APC2: variants seen among roughly 807,000 people sequenced by gnomAD.
The protein encoded by APC2 is APC regulator of Wnt signaling pathway 2.
A neutral mutation model predicts 72.5 loss-of-function variants in APC2; 41 were observed. The observed-to-expected ratio is 0.57, with a 90% CI of 0.44 to 0.73. The LOEUF is 0.73. APC2 is among the 30% of genes least tolerant of loss of function. The pLI is 0.00. For synonymous variants in APC2, 1,898 were observed against 1,612.0 expected, an observed-to-expected ratio of 1.18 and a Z score of -4.25; for missense variants, 3,729 against 3,403.4, an observed-to-expected ratio of 1.10 and a Z score of -2.38.
At position 1,460,839 on chromosome 19, in the gene APC2, C is replaced by G. The variant is rs2083911134; in HGVS notation, c.1503C>G (p.Asp501Glu). 1.2e-6 allele frequency: 2 copies of G among 1,613,172 alleles called. No individual in the cohort carries two copies. The highest frequency in any genetic ancestry group is 1.7e-6 in the Non-Finnish European group (2 of 1,179,950). The part of the protein sequence containing the change: ...MEAIVAQLAS[D>E]SEELHQVVSS... ...CCATCGTGGCCCAGCTGGCCTCCGA[C>G]AGTGAGGAGCTCCACCAGGTACAGG... Residue 501 changes from aspartate (D) to glutamate (E), a missense_variant, in exon 12 of 15, where the codon GAC becomes GAG. Asp to Glu is a conservative substitution (Grantham distance 45). Coordinates refer to ENST00000590469, the MANE Select transcript of APC2 (RefSeq NM_005883.3).
intron 3 of APC2, 42 bp downstream of exon 3, chr19:1,453,379 G>T: frequency 1.2e-6 from 2 of 1,611,332 alleles, no homozygotes; most frequent in Non-Finnish European, 1.7e-6. Flanking sequence ...GGGGAGGCTG[G>T]GGGGAAAGGC....
At chr19:1,459,426 C>T (rs577175681) in intron 10 of APC2, among the ~76,000 whole-genome samples, 23 of 152,218 alleles carry the variant, frequency 1.5e-4, no homozygotes, top group Non-Finnish European at 2.8e-4. Flanking sequence ...GCACAGGGCA[C>T]GCTGGGCTGA....
intron 14 of APC2, 78 bp downstream of exon 14, chr19:1,462,255 C>T (rs973033411): frequency 7.4e-7 from 1 of 1,343,638 alleles, no homozygotes; most frequent in African/African-American, 1.4e-5. Flanking sequence ...CACTGTCCTC[C>T]CGTGAATGCA....
At chr19:1,459,753 C>T (rs748233130) in intron 10 of APC2, among the ~76,000 whole-genome samples, 14 of 152,160 alleles carry the variant, frequency 9.2e-5, no homozygotes, top group South Asian at 2.1e-4. Context: ...TGGGTGTGGC[C>T]GTCACCCATC....
In APC2 at chr19:1,456,158, C is replaced by T. The variant is rs1350643816; in HGVS notation, c.717+5C>T. ...GTGCAGCAGACGGAGCCCCAGGTAC[C>T]GGGTGGGGCAGAGCCAGGGACCAGG... is the stretch of plus-strand genomic sequence containing the variant. On this transcript the variant is annotated splice_donor_5th_base_variant and intron_variant, in intron 7 of 14. Transcript: ENST00000590469. 11 of 1,583,156 alleles carry T rather than the reference C, an allele frequency of 6.9e-6. No individual in the cohort carries two copies. In the Admixed American group the frequency reaches 1.1e-4, roughly 15 times the overall value.
Position 1,456,278 on chromosome 19 carries a change from A to G in APC2, c.718-28A>G, listed in dbSNP as rs2083824447. On this transcript the variant is annotated intron_variant, in intron 7 of 14. Transcript: ENST00000590469. The stretch of plus-strand genomic sequence containing the variant: ...AGCAGACTGGGTGCTCTGGGACTGT[A>G]CCCCCGACCCTGGTGCTCTCCCTGC... 6 of 1,589,358 alleles carry G rather than the reference A, an allele frequency of 3.8e-6. No homozygotes were observed. In the East Asian group the frequency reaches 1.2e-4, roughly 30 times the overall value.
chr19:1,467,061 T>G lies in APC2; in HGVS notation c.3760T>G (p.Ser1254Ala). 6.2e-7 allele frequency: 1 copy of G among 1,611,876 alleles called. No homozygotes were observed. The highest frequency in any genetic ancestry group is 8.5e-7 in the Non-Finnish European group (1 of 1,179,710). Residue 1254 changes from serine (S) to alanine (A), a missense_variant, in exon 15 of 15, where the codon TCT becomes GCT. Coordinates refer to ENST00000590469, the MANE Select transcript of APC2 (RefSeq NM_005883.3). The part of the protein sequence containing the change: ...ADCRERCRLP[S>A]ELDAGSVRFT... ...CTGCCGGGAGCGCTGCCGGCTGCCA[T>G]CTGAGCTGGACGCAGGCAGCGTGCG...
In APC2 at chr19:1,455,461, G is replaced by C; in HGVS notation, c.600G>C (p.Glu200Asp). Residue 200 changes from glutamate (E) to aspartate (D), a missense_variant, in exon 6 of 15, where the codon GAG (glutamate) becomes GAC (aspartate). Glu to Asp is a conservative substitution (Grantham distance 45, BLOSUM62 2). Transcript: ENST00000590469. Reference protein sequence around the residue: ...EAQHIRSLMEERFGTSDEMVQ... With the variant: ...EAQHIRSLMEDRFGTSDEMVQ... ...AGCACATCCGCTCGCTGATGGAGGA[G>C]CGCTTCGGCACCTCGGACGAGATGG... 1 of 1,605,692 alleles carries C rather than the reference G, an allele frequency of 6.2e-7. No individual in the cohort carries two copies. Among genetic ancestry groups the C allele is most frequent in the East Asian group, 2.2e-5 (1 of 44,642 alleles).
At chr19:1,447,662 TG>T (rs571951294), upstream of APC2, among the ~76,000 whole-genome samples, 9 of 127,360 alleles carry the variant, frequency 7.1e-5, no homozygotes, top group East Asian at 2.4e-4. Context: ...TTTTAGTGTG[TG>T]GGGGGGGATT....
rs988558211 is a variant in APC2, at chr19:1,470,420, G to C, written c.*207G>C. 1 of 746,070 alleles carries C rather than the reference G, an allele frequency of 1.3e-6. No individual in the cohort carries two copies. The highest frequency in any genetic ancestry group is 3.7e-5 in the Admixed American group (1 of 26,958). 46.2% of individuals were successfully genotyped at this position (746,070 alleles called of 1,614,324 possible). On this transcript the variant is annotated 3_prime_UTR_variant, in exon 15 of 15. Coordinates refer to ENST00000590469, the MANE Select transcript of APC2 (RefSeq NM_005883.3). ...GCCTCTGTGCCGCGGAGGTCCAGGA[G>C]GAAACGGGGCGGCCGCTAGGCCTCA...
intron 4 of APC2, among the ~76,000 whole-genome samples, chr19:1,454,719 A>G (rs947578134): frequency 1.9e-4 from 29 of 151,438 alleles, no homozygotes; most frequent in Non-Finnish European, 1.3e-4. Flanking sequence ...ACCCGCCACC[A>G]CGCCCGGCTA....
rs754199477 is a variant in APC2, at chr19:1,465,782, G to A, written c.2481G>A (p.Lys827=). The A allele has an allele frequency of 4.4e-6, 7 of 1,574,578 alleles. No homozygotes were observed. In the Admixed American group the frequency reaches 1.1e-4, roughly 24 times the overall value. The change falls in exon 15 of 15, where the codon AAG becomes AAA. Residue 827 remains lysine (K), a synonymous_variant. Transcript: ENST00000590469. ...ARTPPTRRGG[K]EAEKDTSGEA... ...CCCCGCCCACCCGCCGAGGCGGCAAGGAGGCAGAGAAGGACACCAGTGGGG... is the reference window on the plus strand; with the variant it reads ...CCCCGCCCACCCGCCGAGGCGGCAAAGAGGCAGAGAAGGACACCAGTGGGG...
In APC2 at chr19:1,468,738, G is replaced by T; in HGVS notation, c.5437G>T (p.Ala1813Ser). The T allele has an allele frequency of 1.3e-6, 2 of 1,500,204 alleles. No homozygotes were observed. The highest frequency in any genetic ancestry group is 1.8e-6 in the Non-Finnish European group (2 of 1,121,808). 92.9% of individuals were successfully genotyped at this position (1,500,204 alleles called of 1,614,324 possible). ...GCCCAAAGGGACCCCCGGCCCCCGC[G>T]CCACACCGCGGAAGGTGGCGCCCCC... ...AQPKGTPGPR[A>S]TPRKVAPPCL... The change falls in exon 15 of 15, where the codon GCC (alanine) becomes TCC (serine). Residue 1813 changes from alanine to serine, a missense_variant. By Grantham distance (99) the Ala-to-Ser change is moderately conservative (BLOSUM62 1). Transcript: ENST00000590469.
Position 1,471,385 on chromosome 19 carries a change from G to A in APC2, c.*1172G>A, listed in dbSNP as rs1432709189. 1 of 152,406 alleles carries A rather than the reference G, an allele frequency of 6.6e-6. No individual in the cohort carries two copies. 9.4% of individuals were successfully genotyped at this position (152,406 alleles called of 1,614,324 possible). On this transcript the variant is annotated 3_prime_UTR_variant, in exon 15 of 15. Transcript: ENST00000590469. ...GCTCTGGGACAAGGCGGGAGGTTCG[G>A]GGGCCTTCCGGCAGGTGAACGCAGG...
At chr19:1,455,003 C>T (rs1243101921) in intron 4 of APC2, 146 bp from the exon 5 acceptor site, 1 of 207,156 alleles carries the variant, frequency 4.8e-6, no homozygotes, top group Non-Finnish European at 9.0e-6. Context: ...CCCCCTTACC[C>T]TAGCTCGGGG....
rs981008525 is a variant in APC2 at position 1,468,635 on chromosome 19, G to A, written c.5334G>A (p.Gln1778=). ...GCCCCGAGAAGCCACGTGGCACACA[G>A]AAGACCACGCCCGGGGTGCCAGCTG... is the stretch of plus-strand genomic sequence containing the variant. The part of the protein sequence containing the change: ...PAGPEKPRGT[Q]KTTPGVPAVL... Residue 1778 remains glutamine, a synonymous_variant, in exon 15 of 15, where the codon CAG becomes CAA. Coordinates refer to ENST00000590469, the MANE Select transcript of APC2 (RefSeq NM_005883.3). 1.9e-6 allele frequency: 3 copies of A among 1,599,364 alleles called. No individual in the cohort carries two copies. Among genetic ancestry groups the A allele is most frequent in the African/African-American group, 1.3e-5 (1 of 74,570 alleles).
rs1334117455 is a variant in APC2, at chr19:1,460,238, C to A, written c.1361C>A (p.Thr454Asn). 1 of 1,613,566 alleles carries A rather than the reference C, an allele frequency of 6.2e-7. No homozygotes were observed. Among genetic ancestry groups the A allele is most frequent in the East Asian group, 2.2e-5 (1 of 44,886 alleles). ...GTTGACTATGAGATGCACAAGATGACCCGGGACCCGCTGAACCTGGCGCTG... is the reference window on the plus strand; with the variant it reads ...GTTGACTATGAGATGCACAAGATGAACCGGGACCCGCTGAACCTGGCGCTG... ...LQVDYEMHKM[T>N]RDPLNLALRR... is the part of the protein sequence containing the mutation. Residue 454 changes from threonine to asparagine, a missense_variant, in exon 11 of 15, where the codon ACC becomes AAC. By Grantham distance (65) the Thr-to-Asn change is moderately conservative. Transcript: ENST00000590469.
intron 14 of APC2, among the ~76,000 whole-genome samples, chr19:1,464,639 T>C (rs1433956895): frequency 6.7e-6 from 1 of 148,876 alleles, no homozygotes; most frequent in Non-Finnish European, 1.5e-5. Context: ...TTCCTTTTTT[T>C]TTTTTTTTTT....
In APC2 at chr19:1,457,117, C is replaced by G; in HGVS notation, c.1081C>G (p.Gln361Glu). ...CAACATCGTCTTCTCGCAGCCGGAC[C>G]AGGGCCTGGCGCGCAAGGAGATGCG... The part of the protein sequence containing the change: ...LHNIVFSQPD[Q>E]GLARKEMRVL... The change falls in exon 9 of 15, where the codon CAG (glutamine) becomes GAG (glutamate). Residue 361 changes from glutamine (Q) to glutamate (E), a missense_variant. By Grantham distance (29) the Gln-to-Glu change is conservative. Coordinates refer to ENST00000590469, the MANE Select transcript of APC2 (RefSeq NM_005883.3). The G allele has an allele frequency of 6.3e-7, 1 of 1,587,892 alleles. No individual in the cohort carries two copies. Among genetic ancestry groups the G allele is most frequent in the Non-Finnish European group, 8.5e-7 (1 of 1,170,526 alleles).
Sources: allele counts gnomAD v4.1 joint callset (sites outside exome capture counted in the v4.1 genomes callset), GRCh38; gene constraint gnomAD v4.1.1; transcripts MANE v1.5; gene names NCBI Gene and HGNC (gene_info 2026-07-23, HGNC 2026-07-21).